The following SYT6 variants were observed in gnomAD, a reference collection of about 807,000 sequenced individuals.
SYT6 encodes the protein synaptotagmin 6, also known as synaptotagmin-6.
Under a neutral mutation model 38.4 loss-of-function variants are expected in SYT6, and 24 were observed. The observed-to-expected ratio is 0.62, with a 90% CI of 0.45 to 0.88. SYT6 has a LOEUF of 0.88. Ranked by LOEUF, SYT6 falls within the 40% of genes least tolerant of loss-of-function variation. SYT6 has a pLI of 0.00. For missense variants in SYT6, 611 were observed against 621.0 expected (o/e 0.98, Z 0.17); for synonymous variants, 265 against 241.9 (o/e 1.10, Z -0.89).
intron 3 of SYT6, among the ~76,000 whole-genome samples, chr1:114,117,351 A>T (rs1419085631): frequency 6.6e-6 from 1 of 152,204 alleles, no homozygotes; most frequent in Non-Finnish European, 1.5e-5. Flanking sequence ...TAAGCCTTTC[A>T]TTCTCCTGCC....
At chr1:114,142,202 C>T (rs573744750) in intron 1 of SYT6, among the ~76,000 whole-genome samples, 84 of 152,292 alleles carry the variant, frequency 5.5e-4, no homozygotes, top group Admixed American at 9.8e-4. Flanking sequence ...ATAGGATTCA[C>T]CATTCTTGAT....
rs1469470318 is a variant in SYT6 at position 114,103,526 on chromosome 1, T to G, written c.1192+75A>C. 5 of 1,578,920 alleles carry G rather than the reference T, an allele frequency of 3.2e-6. No homozygotes were observed. In the South Asian group the frequency reaches 4.6e-5, roughly 15 times the overall value. ...TATTCTAAGAATGCTGACAATTCTT[T>G]CTCCTTCTCCCCGAACACCCTTCCA... On this transcript the variant is annotated intron_variant, in intron 4 of 7. Transcript: ENST00000610222.
At chr1:114,100,109 A>G (rs1235483688) in intron 4 of SYT6, among the ~76,000 whole-genome samples, 5 of 152,006 alleles carry the variant, frequency 3.3e-5, no homozygotes, top group African/African-American at 9.7e-5. Flanking sequence ...TGGGTATTTC[A>G]TGGTCATCTT....
At chr1:114,096,821 G>T (rs1675668338) in intron 6 of SYT6, among the ~76,000 whole-genome samples, 1 of 152,162 alleles carries the variant, frequency 6.6e-6, no homozygotes, top group Non-Finnish European at 1.5e-5. Flanking sequence ...TAGGTTTGAA[G>T]CCTGTTAAGA....
At chr1:114,103,451 G>T in intron 4 of SYT6, 150 bp downstream of exon 4, 4 of 1,053,008 alleles carry the variant, frequency 3.8e-6, no homozygotes, top group Non-Finnish European at 5.4e-6. Flanking sequence ...CAAAGAAGTG[G>T]CAGAACTGGA....
At chr1:114,153,533 C>T in intron 1 of SYT6, 77 bp downstream of exon 1, 1 of 565,600 alleles carries the variant, frequency 1.8e-6, no homozygotes. Context: ...TCTGGGGCTC[C>T]TGGGACCGGG....
At chr1:114,123,689 G>A (rs1255837712) in intron 3 of SYT6, among the ~76,000 whole-genome samples, 1 of 152,146 alleles carries the variant, frequency 6.6e-6, no homozygotes, top group Non-Finnish European at 1.5e-5. Context: ...TCCAACTCAA[G>A]TGTAGACCCA....
At chr1:114,145,410 G>A (rs1278011993) in intron 1 of SYT6, among the ~76,000 whole-genome samples, 1 of 152,032 alleles carries the variant, frequency 6.6e-6, no homozygotes, top group African/African-American at 2.4e-5. Context: ...GGTGAAACTG[G>A]GCTACAACCC....
chr1:114,127,193 G>C (rs908264820), intron 3 of SYT6, among the ~76,000 whole-genome samples: 2 of 152,204 alleles, frequency 1.3e-5, no homozygotes. Context: ...TTTGGCTCAA[G>C]TGAGAGTGTG....
At chr1:114,107,101 T>TC (rs139968300) in intron 3 of SYT6, among the ~76,000 whole-genome samples, 95 of 152,250 alleles carry the variant, frequency 6.2e-4, no homozygotes, top group African/African-American at 2.2e-3. Flanking sequence ...TGTCACCATT[T>TC]CCCCACCACC....
Position 114,130,309 on chromosome 1 carries a change from T to C in SYT6, c.1071+7186A>G, listed in dbSNP as rs150075127. On this transcript the variant is annotated intron_variant, in intron 3 of 7. Transcript: ENST00000610222. ...AAGCTCCACAAGAGCAGGGACTTTG[T>C]TGACTGCTGCATCCTCAGCATCTAG... is the stretch of plus-strand genomic sequence containing the variant. Among the ~76,000 whole-genome samples the C allele has an allele frequency of 3.9e-5, 6 of 152,376 alleles. No individual in the cohort carries two copies. In the East Asian group the frequency reaches 1.2e-3, roughly 29 times the overall value.
intron 1 of SYT6, among the ~76,000 whole-genome samples, chr1:114,144,860 G>C (rs573247844): frequency 6.6e-6 from 1 of 152,010 alleles, no homozygotes; most frequent in East Asian, 1.9e-4. Flanking sequence ...CAAGTTACTT[G>C]CCTAGATCAG....
At chr1:114,094,011 C>G (rs1423367781) in intron 6 of SYT6, among the ~76,000 whole-genome samples, 1 of 152,144 alleles carries the variant, frequency 6.6e-6, no homozygotes, top group East Asian at 1.9e-4. Flanking sequence ...CCTGAGTAAG[C>G]ATGCCACTTA....
chr1:114,122,247 G>C (rs75496440), intron 3 of SYT6, among the ~76,000 whole-genome samples: 1,877 of 152,294 alleles, frequency 0.012, 47 homozygotes, highest in African/African-American at 0.043. Flanking sequence ...AAGTGGTTTG[G>C]GTTTTATTAT....
intron 3 of SYT6, among the ~76,000 whole-genome samples, chr1:114,126,522 T>C (rs766478995): frequency 4.0e-4 from 61 of 152,232 alleles, no homozygotes; most frequent in Non-Finnish European, 2.4e-4. Flanking sequence ...GACCAAATAG[T>C]CTCTCTCCAG....
chr1:114,128,367 T>C (rs1320185698), intron 3 of SYT6, among the ~76,000 whole-genome samples: 1 of 152,238 alleles, frequency 6.6e-6, no homozygotes, highest in Admixed American at 6.5e-5. Context: ...TGAATTGCTC[T>C]GAGTTGCTCT....
chr1:114,119,283 A>G (rs1254466523), intron 3 of SYT6, among the ~76,000 whole-genome samples: 2 of 152,124 alleles, frequency 1.3e-5, no homozygotes, highest in African/African-American at 4.8e-5. Flanking sequence ...CCTTTCTCTT[A>G]CTTTCCAATT....
At chr1:114,107,652 T>C (rs1222275216) in intron 3 of SYT6, among the ~76,000 whole-genome samples, 1 of 149,400 alleles carries the variant, frequency 6.7e-6, no homozygotes, top group African/African-American at 2.5e-5. Flanking sequence ...CAGGTTAATT[T>C]TGAGTAAATA....
At position 114,097,891 on chromosome 1, in the gene SYT6, A is replaced by G. The variant is rs201164517; in HGVS notation, c.1365-14T>C. On this transcript the variant is annotated splice_polypyrimidine_tract_variant and intron_variant, in intron 5 of 7. Coordinates refer to ENST00000610222, the MANE Select transcript of SYT6 (RefSeq NM_001253772.2). The stretch of plus-strand genomic sequence containing the variant: ...TTGTGGCCCACTCTGAGGGAGAAAC[A>G]AAAGTCCCAGCACTGGCTACCAGAC... 3.3e-5 allele frequency: 54 copies of G among 1,613,726 alleles called. No individual in the cohort carries two copies. Among genetic ancestry groups the G allele is most frequent in the Non-Finnish European group, 4.5e-5 (53 of 1,179,698 alleles).
Sources: gnomAD v4.1 joint callset for allele counts (sites outside exome capture counted in the v4.1 genomes callset) on GRCh38, gnomAD v4.1.1 for gene constraint, MANE v1.5 for transcripts, NCBI Gene and HGNC (gene_info 2026-07-23, HGNC 2026-07-21) for gene names.